Variants in CWC27 observed in about 807,000 individuals in gnomAD.
CWC27 encodes the protein spliceosome-associated protein CWC27 homolog.
A neutral mutation model predicts 63.6 loss-of-function variants in CWC27; 47 were observed. The ratio of observed to expected loss-of-function variants is 0.74; its 90% CI spans 0.58 to 0.94. The LOEUF (loss-of-function observed/expected upper bound fraction) is 0.94. Ranked by LOEUF, CWC27 falls within the 40% of genes least tolerant of loss-of-function variation. CWC27 has a pLI of 0.00. For synonymous variants in CWC27, 175 were observed against 179.8 expected, an observed-to-expected ratio of 0.97 and a Z score of 0.22; for missense variants, 495 against 554.3, an observed-to-expected ratio of 0.89 and a Z score of 1.07.
intron 10 of CWC27, among the ~76,000 whole-genome samples, chr5:64,830,684 A>G (rs1745495132): frequency 6.6e-6 from 1 of 152,152 alleles, no homozygotes; most frequent in Admixed American, 6.6e-5. Context: ...CCATCTGACA[A>G]AGGGCTAATA....
intron 11 of CWC27, among the ~76,000 whole-genome samples, chr5:64,969,313 T>C (rs1183833162): frequency 1.3e-5 from 2 of 152,200 alleles, no homozygotes; most frequent in South Asian, 2.1e-4. Flanking sequence ...TTGTCCTTTC[T>C]CTTTTGCATT....
At chr5:64,846,220 A>G (rs1745973713) in intron 10 of CWC27, among the ~76,000 whole-genome samples, 2 of 152,250 alleles carry the variant, frequency 1.3e-5, no homozygotes, top group Non-Finnish European at 2.9e-5. Context: ...TCAATGGTAT[A>G]TGTAAAATAG....
chr5:64,879,339 T>C (rs939915178), intron 10 of CWC27, among the ~76,000 whole-genome samples: 1 of 151,934 alleles, frequency 6.6e-6, no homozygotes, highest in Non-Finnish European at 1.5e-5. Flanking sequence ...AAAGTGGAAA[T>C]AGGTAAAAGA....
chr5:64,885,219 G>T (rs1747038756), intron 10 of CWC27, among the ~76,000 whole-genome samples: 1 of 151,912 alleles, frequency 6.6e-6, no homozygotes, highest in African/African-American at 2.4e-5. Context: ...TTGATAGGGG[G>T]TATATTTTAT....
chr5:64,864,653 A>C (rs1175937807), intron 10 of CWC27, among the ~76,000 whole-genome samples: 1 of 152,200 alleles, frequency 6.6e-6, no homozygotes, highest in Non-Finnish European at 1.5e-5. Context: ...AATTAGGATA[A>C]GTAGTATTTT....
intron 10 of CWC27, among the ~76,000 whole-genome samples, chr5:64,837,257 G>C (rs1392688509): frequency 6.6e-6 from 1 of 152,006 alleles, no homozygotes; most frequent in Non-Finnish European, 1.5e-5. Context: ...GTTTCAAGAA[G>C]GAGTTCTAAC....
chr5:64,790,403 A>G (rs1431193942), intron 7 of CWC27, among the ~76,000 whole-genome samples: 2 of 152,124 alleles, frequency 1.3e-5, no homozygotes, highest in Non-Finnish European at 2.9e-5. Flanking sequence ...TATGATTCAA[A>G]TTTATGCCTC....
intron 10 of CWC27, among the ~76,000 whole-genome samples, chr5:64,839,870 G>C (rs1245179723): frequency 6.6e-6 from 1 of 152,066 alleles, no homozygotes; most frequent in South Asian, 2.1e-4. Context: ...GTGGCAACTT[G>C]ACATGGGAAC....
At chr5:64,834,207 G>A (rs555064468) in intron 10 of CWC27, among the ~76,000 whole-genome samples, 15 of 151,170 alleles carry the variant, frequency 9.9e-5, no homozygotes, top group Admixed American at 4.6e-4. Flanking sequence ...ATCTGTTTGC[G>A]TAATAAGGTA....
At chr5:64,966,098 A>G (rs1186935636) in intron 11 of CWC27, among the ~76,000 whole-genome samples, 2 of 152,194 alleles carry the variant, frequency 1.3e-5, no homozygotes, top group African/African-American at 2.4e-5. Flanking sequence ...TGCAGGAGGA[A>G]GTAAAATAAA....
In CWC27 at chr5:64,977,151, A is replaced by G; in HGVS notation, c.1169A>G (p.Asn390Ser). 1.2e-6 allele frequency: 2 copies of G among 1,609,012 alleles called. No individual in the cohort carries two copies. Among genetic ancestry groups the G allele is most frequent in the South Asian group, 1.1e-5 (1 of 90,052 alleles). Reference sequence around the variant, plus strand: ...TTATTTCAGACCCTTGCACTGCTGAACCAGTTTAAATCTAAACTCACTCAA... The same window carrying G: ...TTATTTCAGACCCTTGCACTGCTGAGCCAGTTTAAATCTAAACTCACTCAA... Reference protein sequence around the residue: ...SREDQTLALLNQFKSKLTQAI... With the variant: ...SREDQTLALLSQFKSKLTQAI... The change falls in exon 13 of 14, where the codon AAC (asparagine) becomes AGC (serine). Residue 390 changes from asparagine (N) to serine (S), a missense_variant. Asn to Ser is a conservative substitution (Grantham distance 46). Transcript: ENST00000381070.
At chr5:64,934,469 A>G (rs1200657831) in intron 11 of CWC27, among the ~76,000 whole-genome samples, 1 of 152,320 alleles carries the variant, frequency 6.6e-6, no homozygotes, top group East Asian at 1.9e-4. Context: ...TCCATGGTGT[A>G]TATGTGCCAC....
At chr5:64,794,455 A>C (rs1744187405) in intron 7 of CWC27, among the ~76,000 whole-genome samples, 1 of 152,114 alleles carries the variant, frequency 6.6e-6, no homozygotes, top group Non-Finnish European at 1.5e-5. Context: ...TAGTTGAATT[A>C]CTAAGAATAA....
intron 11 of CWC27, among the ~76,000 whole-genome samples, chr5:64,893,075 G>A (rs765632544): frequency 8.5e-5 from 13 of 152,196 alleles, no homozygotes; most frequent in South Asian, 2.1e-4. Flanking sequence ...ACATATGCAC[G>A]TGTGCATGCG....
At chr5:64,971,846 ATT>A in intron 12 of CWC27, 34 bp downstream of exon 12, 1 of 1,393,524 alleles carries the variant, frequency 7.2e-7, no homozygotes, top group South Asian at 1.3e-5. Context: ...TACAGAACTT[ATT>A]GTCTTTTTAT....
intron 7 of CWC27, among the ~76,000 whole-genome samples, chr5:64,793,497 A>G (rs1744148928): frequency 6.6e-6 from 1 of 152,148 alleles, no homozygotes; most frequent in Non-Finnish European, 1.5e-5. Context: ...TTTTGCTTAT[A>G]TACAGTTTTT....
chr5:64,968,285 T>G (rs1749060898), intron 11 of CWC27, among the ~76,000 whole-genome samples: 1 of 152,114 alleles, frequency 6.6e-6, no homozygotes, highest in Non-Finnish European at 1.5e-5. Flanking sequence ...AGTGGAATGA[T>G]GCAGCCAAAA....
chr5:64,985,049 G>A (rs1009809636), intron 13 of CWC27, among the ~76,000 whole-genome samples: 1 of 152,128 alleles, frequency 6.6e-6, no homozygotes, highest in Non-Finnish European at 1.5e-5. Flanking sequence ...AAAAGACTTT[G>A]AACTGACTTT....
chr5:64,985,588 G>T (rs1162117754), intron 13 of CWC27, among the ~76,000 whole-genome samples: 1 of 152,162 alleles, frequency 6.6e-6, no homozygotes, highest in Non-Finnish European at 1.5e-5. Flanking sequence ...ACAGAAATAT[G>T]ATTGGTTTTT....
Sources: allele counts gnomAD v4.1 joint callset (sites outside exome capture counted in the v4.1 genomes callset), GRCh38; gene constraint gnomAD v4.1.1; transcripts MANE v1.5; gene names NCBI Gene and HGNC (gene_info 2026-07-23, HGNC 2026-07-21).